ZDHHC15: variants seen among roughly 807,000 people sequenced by gnomAD.
The protein encoded by ZDHHC15 is zDHHC palmitoyltransferase 15, also known as palmitoyltransferase ZDHHC15.
Under a neutral mutation model 31.7 loss-of-function variants are expected in ZDHHC15, and 19 were observed. The ratio of observed to expected loss-of-function variants is 0.60; its 90% CI spans 0.42 to 0.88. The LOEUF is 0.88. Ranked by LOEUF, ZDHHC15 falls within the 40% of genes least tolerant of loss-of-function variation. ZDHHC15 has a pLI of 0.00. For synonymous variants in ZDHHC15, 103 were observed against 90.0 expected, an observed-to-expected ratio of 1.14 and a Z score of -0.82; for missense variants, 209 against 251.2, an observed-to-expected ratio of 0.83 and a Z score of 1.14.
intron 3 of ZDHHC15, among the ~76,000 whole-genome samples, chrX:75,460,182 T>C (rs2084289845): frequency 1.8e-5 from 2 of 112,269 alleles, no homozygotes; most frequent in Admixed American, 1.9e-4. Context: ...GCCAGACTGC[T>C]TCTTTAAGTG....
At chrX:75,514,675 G>T (rs903614802) in intron 1 of ZDHHC15, among the ~76,000 whole-genome samples, 2 of 111,288 alleles carry the variant, frequency 1.8e-5, no homozygotes, top group Admixed American at 9.5e-5. Flanking sequence ...GGAAAATCGG[G>T]ACACTCCCGC....
chrX:75,411,863 C>T (rs768396224), intron 10 of ZDHHC15, among the ~76,000 whole-genome samples: 1 of 111,596 alleles, frequency 9.0e-6, no homozygotes, highest in Admixed American at 9.5e-5. Flanking sequence ...AAAATATTTG[C>T]AAACTGTATA....
At chrX:75,453,099 G>T (rs967000971) in intron 3 of ZDHHC15, among the ~76,000 whole-genome samples, 13 of 111,260 alleles carry the variant, frequency 1.2e-4, no homozygotes, top group African/African-American at 9.8e-5. Flanking sequence ...CCAGGAGCTG[G>T]TTTTTTTGAA....
intron 10 of ZDHHC15, among the ~76,000 whole-genome samples, chrX:75,407,144 A>G (rs1209665440): frequency 9.5e-6 from 1 of 105,157 alleles, no homozygotes; most frequent in East Asian, 3.1e-4. Context: ...CCGGCTGCCC[A>G]TCGTCTGAGA....
intron 3 of ZDHHC15, among the ~76,000 whole-genome samples, chrX:75,462,769 T>C (rs971712711): frequency 6.3e-5 from 7 of 110,894 alleles, no homozygotes; most frequent in African/African-American, 2.3e-4. Flanking sequence ...ACAGCTAAAA[T>C]AGTGTTAAGA....
intron 3 of ZDHHC15, among the ~76,000 whole-genome samples, chrX:75,468,148 C>T (rs2084440874): frequency 9.2e-6 from 1 of 108,382 alleles, no homozygotes; most frequent in East Asian, 2.9e-4. Context: ...TGGGTTCAAG[C>T]GACTCTCCTG....
intron 2 of ZDHHC15, among the ~76,000 whole-genome samples, chrX:75,483,096 T>C (rs2084719478): frequency 9.4e-6 from 1 of 106,434 alleles, no homozygotes; most frequent in African/African-American, 3.4e-5. Context: ...TATATATATA[T>C]ATATATGATT....
At chrX:75,406,193 A>G (rs2083409300) in intron 10 of ZDHHC15, among the ~76,000 whole-genome samples, 1 of 111,412 alleles carries the variant, frequency 9.0e-6, no homozygotes, top group Admixed American at 9.6e-5. Context: ...TCTATAGGAC[A>G]CAGCAAAGCA....
At chrX:75,472,050 G>A (rs1006157805) in intron 3 of ZDHHC15, among the ~76,000 whole-genome samples, 1 of 111,887 alleles carries the variant, frequency 8.9e-6, no homozygotes, top group African/African-American at 3.2e-5. Context: ...AGTTGGTTGT[G>A]CACATCAGTA....
At chrX:75,459,014 ACC>A (rs1380528270) in intron 3 of ZDHHC15, among the ~76,000 whole-genome samples, 1 of 89,695 alleles carries the variant, frequency 1.1e-5, no homozygotes, top group Non-Finnish European at 2.4e-5. Flanking sequence ...AAAAAAAACA[ACC>A]CCCAGCCAAG....
At chrX:75,380,055 G>T (rs2083098563) in intron 10 of ZDHHC15, among the ~76,000 whole-genome samples, 1 of 111,897 alleles carries the variant, frequency 8.9e-6, no homozygotes, top group African/African-American at 3.2e-5. Flanking sequence ...ATGACCCTAT[G>T]GTAGGCCCAA....
chrX:75,436,652 C>T (rs755618758), intron 4 of ZDHHC15, among the ~76,000 whole-genome samples: 1 of 111,974 alleles, frequency 8.9e-6, no homozygotes, highest in East Asian at 2.8e-4. Context: ...TTTGAAGGTT[C>T]CTACTAAAGG....
At position 75,372,038 on chromosome X, in the gene ZDHHC15, A is replaced by C. The variant is rs982793513; in HGVS notation, c.*940T>G. 5 of 112,148 alleles carry C rather than the reference A, an allele frequency of 4.5e-5. No individual in the cohort carries two copies. The highest frequency in any genetic ancestry group is 7.5e-5 in the Non-Finnish European group (4 of 53,231). The allele number at this position is 112,148 out of a possible 1,213,427, so 9.2% of individuals were successfully genotyped here. A position where few individuals can be genotyped will look rare whatever the true frequency, so the allele number is the denominator to read the frequency against. On this transcript the variant is annotated 3_prime_UTR_variant, in exon 12 of 12. Transcript: ENST00000373367. Reference sequence around the variant, plus strand: ...TACCCTTATGAAAGGCAGTGAAATTAAACCTGAAAATCACTCTGAAAACCC... The same window carrying C: ...TACCCTTATGAAAGGCAGTGAAATTCAACCTGAAAATCACTCTGAAAACCC...
chrX:75,460,954 G>T (rs759910458), intron 3 of ZDHHC15, among the ~76,000 whole-genome samples: 2 of 112,011 alleles, frequency 1.8e-5, no homozygotes, highest in South Asian at 7.5e-4. Flanking sequence ...TGAATTGACA[G>T]AAGTAGGCTT....
At chrX:75,462,698 A>T (rs2084337923) in intron 3 of ZDHHC15, among the ~76,000 whole-genome samples, 1 of 111,961 alleles carries the variant, frequency 8.9e-6, no homozygotes. Context: ...TTAAGACAGA[A>T]ATCAACAAGT....
At chrX:75,443,980 G>C (rs1356372920) in intron 4 of ZDHHC15, among the ~76,000 whole-genome samples, 1 of 110,114 alleles carries the variant, frequency 9.1e-6, no homozygotes, top group Non-Finnish European at 1.9e-5. Context: ...AGGTGCTGGA[G>C]AGGATGTGGA....
At chrX:75,518,696 C>A (rs2148077585) in intron 1 of ZDHHC15, among the ~76,000 whole-genome samples, 1 of 99,186 alleles carries the variant, frequency 1.0e-5, no homozygotes, top group South Asian at 5.0e-4. Flanking sequence ...ATGTTTGTAA[C>A]AGCACTATTC....
At chrX:75,403,617 T>C (rs763289461) in intron 10 of ZDHHC15, among the ~76,000 whole-genome samples, 34 of 111,693 alleles carry the variant, frequency 3.0e-4, no homozygotes, top group Non-Finnish European at 6.0e-4. Context: ...CAGGAACGAA[T>C]TCCCATTCAC....
At chrX:75,456,096 A>G (rs1211352986) in intron 3 of ZDHHC15, among the ~76,000 whole-genome samples, 14 of 111,889 alleles carry the variant, frequency 1.3e-4, no homozygotes, top group Non-Finnish European at 2.4e-4. Context: ...AAGACTTGGA[A>G]CCAACCCAAA....
Sources: gnomAD v4.1 joint callset for allele counts (sites outside exome capture counted in the v4.1 genomes callset) on GRCh38, gnomAD v4.1.1 for gene constraint, MANE v1.5 for transcripts, NCBI Gene and HGNC (gene_info 2026-07-23, HGNC 2026-07-21) for gene names.